Variants in DMRT1 observed in about 807,000 individuals in gnomAD.
The protein encoded by DMRT1 is doublesex- and mab-3-related transcription factor 1.
DMRT1 carries 7 observed loss-of-function variants against 32.3 expected under a neutral mutation model. That is an observed-to-expected ratio of 0.22 (90% confidence interval 0.12 to 0.41). The LOEUF is 0.41. DMRT1 is among the 10% of genes least tolerant of loss of function. The pLI, the probability that DMRT1 is intolerant of heterozygous loss-of-function variation, is 1.00. For synonymous variants in DMRT1, 278 were observed against 206.1 expected (o/e 1.35, Z -2.99); for missense variants, 625 against 500.5 (o/e 1.25, Z -2.37).
At chr9:961,857 A>G (rs10977838) in intron 4 of DMRT1, among the ~76,000 whole-genome samples, 16,017 of 152,258 alleles carry the variant, frequency 0.11, 1,277 homozygotes, top group East Asian at 0.3. Context: ...TTGAGTAAAC[A>G]TTACTCCAGT....
intron 2 of DMRT1, among the ~76,000 whole-genome samples, chr9:863,008 C>T (rs1374773229): frequency 6.6e-6 from 1 of 151,996 alleles, no homozygotes; most frequent in Non-Finnish European, 1.5e-5. Flanking sequence ...AATCTAATGG[C>T]ATGAATCCTT....
At chr9:960,180 T>G (rs138038653) in intron 4 of DMRT1, among the ~76,000 whole-genome samples, 2 of 152,328 alleles carry the variant, frequency 1.3e-5, no homozygotes, top group African/African-American at 4.8e-5. Context: ...CTATACATGA[T>G]GCCGTGAAAA....
chr9:846,888 G>A, intron 1 of DMRT1, 72 bp from the exon 2 acceptor site: 1 of 1,569,546 alleles, frequency 6.4e-7, no homozygotes, highest in South Asian at 1.1e-5. Context: ...GTCTGGGATG[G>A]GTGGGGCTTC....
rs865776462 is a variant in DMRT1 at position 861,854 on chromosome 9, C to A, written c.538+14711C>A. Among the ~76,000 whole-genome samples, 2 of 148,088 alleles carry A rather than the reference C, an allele frequency of 1.4e-5. 1 individual carries two copies. Among genetic ancestry groups the A allele is most frequent in the African/African-American group, 5.0e-5 (2 of 40,108 alleles). On this transcript the variant is annotated intron_variant, in intron 2 of 4. Coordinates refer to ENST00000382276, the MANE Select transcript of DMRT1 (RefSeq NM_021951.3). Reference sequence around the variant, plus strand: ...GCGGCCGGTCAGAGACGCTCCTCACCTCCCAGACGGGGTCGCGGCCGGGCA... The same window carrying A: ...GCGGCCGGTCAGAGACGCTCCTCACATCCCAGACGGGGTCGCGGCCGGGCA...
chr9:889,485 G>A (rs1817058700), intron 2 of DMRT1, among the ~76,000 whole-genome samples: 1 of 152,204 alleles, frequency 6.6e-6, no homozygotes, highest in African/African-American at 2.4e-5. Flanking sequence ...ACGGGTAAGT[G>A]GAAAAGTGAT....
At chr9:917,024 T>C in intron 4 of DMRT1, 117 bp downstream of exon 4, 2 of 1,142,834 alleles carry the variant, frequency 1.8e-6, no homozygotes, top group Non-Finnish European at 2.6e-6. Flanking sequence ...ATTTTATTGC[T>C]GTGTGAAGCT....
At chr9:890,661 C>G (rs1358998196) in intron 2 of DMRT1, among the ~76,000 whole-genome samples, 1 of 152,146 alleles carries the variant, frequency 6.6e-6, no homozygotes, top group Admixed American at 6.5e-5. Context: ...GGAAATTTCT[C>G]TCATGAGCCA....
chr9:943,614 T>C (rs888378398), intron 4 of DMRT1, among the ~76,000 whole-genome samples: 4 of 152,236 alleles, frequency 2.6e-5, no homozygotes, highest in African/African-American at 9.6e-5. Flanking sequence ...CCTTAAATTC[T>C]GAAGGTCATG....
intron 2 of DMRT1, 62 bp downstream of exon 2, chr9:847,205 G>A: frequency 6.4e-7 from 1 of 1,557,656 alleles, no homozygotes; most frequent in Non-Finnish European, 8.8e-7. Flanking sequence ...AAGGGTTGCA[G>A]CCACAGAAGC....
intron 4 of DMRT1, among the ~76,000 whole-genome samples, chr9:953,601 C>T (rs974569904): frequency 3.3e-5 from 5 of 152,196 alleles, no homozygotes; most frequent in Admixed American, 2.0e-4. Context: ...GTTGCCACCT[C>T]TGTTGTTGTA....
chr9:875,177 C>T (rs1444291792), intron 2 of DMRT1, among the ~76,000 whole-genome samples: 1 of 152,116 alleles, frequency 6.6e-6, no homozygotes, highest in Non-Finnish European at 1.5e-5. Flanking sequence ...TGGCCCTTCC[C>T]TCATTGTAAA....
Position 937,017 on chromosome 9 carries a change from G to C in DMRT1, c.967+20110G>C, listed in dbSNP as rs146800841. On this transcript the variant is annotated intron_variant, in intron 4 of 4. Coordinates refer to ENST00000382276, the MANE Select transcript of DMRT1 (RefSeq NM_021951.3). Reference sequence around the variant, plus strand: ...AACTTCCCATTTTCCATTTCCTCCTGCCCCTGGTAATCTCTCTTCTACTTT... The same window carrying C: ...AACTTCCCATTTTCCATTTCCTCCTCCCCCTGGTAATCTCTCTTCTACTTT... Among the ~76,000 whole-genome samples the C allele has an allele frequency of 1.2e-4, 19 of 152,076 alleles. No homozygotes were observed. The East Asian group carries it at 3.7e-3, about 29-fold the overall frequency.
intron 2 of DMRT1, among the ~76,000 whole-genome samples, chr9:873,772 T>G (rs1402943226): frequency 6.6e-5 from 10 of 152,190 alleles, no homozygotes; most frequent in Non-Finnish European, 1.2e-4. Flanking sequence ...CTAATACCTT[T>G]TAAGTATTGT....
At chr9:875,284 C>T (rs145211458) in intron 2 of DMRT1, among the ~76,000 whole-genome samples, 1 of 152,124 alleles carries the variant, frequency 6.6e-6, no homozygotes, top group East Asian at 1.9e-4. Flanking sequence ...TAGTGGTTGA[C>T]GCAGTTACAG....
chr9:965,183 T>C lies in DMRT1; in HGVS notation c.968-2802T>C, dbSNP rs1819894337. Among the ~76,000 whole-genome samples, 1 of 152,198 alleles carries C rather than the reference T, an allele frequency of 6.6e-6. No individual in the cohort carries two copies. The highest frequency in any genetic ancestry group is 6.5e-5 in the Admixed American group (1 of 15,280). On this transcript the variant is annotated intron_variant, in intron 4 of 4. Transcript: ENST00000382276. This position sits in a 1 kb window ranked among gnomAD's most constrained non-coding sequence, Gnocchi z 4.5. ...AGTCACTAAGGAAAAACACACTAAA[T>C]CTTTTCACGTACCTAGAACTCTATG...
chr9:872,897 T>C (rs1276245793), intron 2 of DMRT1, among the ~76,000 whole-genome samples: 1 of 152,224 alleles, frequency 6.6e-6, no homozygotes, highest in Non-Finnish European at 1.5e-5. Context: ...CAGTGTGACA[T>C]ACATTTACAC....
intron 3 of DMRT1, among the ~76,000 whole-genome samples, chr9:911,828 C>T (rs1041555183): frequency 6.6e-6 from 1 of 152,110 alleles, no homozygotes; most frequent in African/African-American, 2.4e-5. Flanking sequence ...TATATTGCTA[C>T]ACATGCACTT....
At chr9:911,829 A>G (rs2146534) in intron 3 of DMRT1, among the ~76,000 whole-genome samples, 25,643 of 152,120 alleles carry the variant, frequency 0.17, 3,293 homozygotes, top group African/African-American at 0.36. Flanking sequence ...ATATTGCTAC[A>G]CATGCACTTA....
chr9:933,576 G>T (rs560622922), intron 4 of DMRT1, among the ~76,000 whole-genome samples: 32 of 152,286 alleles, frequency 2.1e-4, no homozygotes, highest in African/African-American at 5.8e-4. Context: ...TGTCAAACCA[G>T]CATTGAACCC....
Sources: allele counts gnomAD v4.1 joint callset (sites outside exome capture counted in the v4.1 genomes callset), GRCh38; gene constraint gnomAD v4.1.1; non-coding constraint Gnocchi (gnomAD v3.1); transcripts MANE v1.5; gene names NCBI Gene and HGNC (gene_info 2026-07-23, HGNC 2026-07-21).